The following PRKCA variants were observed in gnomAD, a reference collection of about 807,000 sequenced individuals.
The protein encoded by PRKCA is protein kinase C alpha type.
In PRKCA, 27 loss-of-function variants were observed where a neutral mutation model predicts 87.0. The observed-to-expected ratio is 0.31, with a 90% CI of 0.23 to 0.43. The LOEUF is 0.43. Ranked by LOEUF, PRKCA falls within the 20% of genes least tolerant of loss-of-function variation. PRKCA has a pLI of 1.00. For missense variants in PRKCA, 518 were observed against 852.3 expected (o/e 0.61, Z 4.88); for synonymous variants, 329 against 311.1 (o/e 1.06, Z -0.61).
intron 2 of PRKCA, among the ~76,000 whole-genome samples, chr17:66,382,649 A>C (rs541500595): frequency 1.3e-5 from 2 of 152,304 alleles, no homozygotes; most frequent in Admixed American, 6.5e-5. Flanking sequence ...GACAGAAAAA[A>C]TAGGGAGTAG....
chr17:66,732,899 T>G lies in PRKCA; in HGVS notation c.1056+74T>G, dbSNP rs185970984. ...CGAATCAGTTTTGTTCTCCTCGTAG[T>G]TTGCAGAATAGCACATTAGATTTCC... On this transcript the variant is annotated intron_variant, in intron 9 of 16. Transcript: ENST00000413366. 1,179 of 1,542,634 alleles carry G rather than the reference T, an allele frequency of 7.6e-4. 11 individuals carry two copies. The highest frequency in any genetic ancestry group is 7.3e-3 in the Middle Eastern group (36 of 4,926).
intron 2 of PRKCA, among the ~76,000 whole-genome samples, chr17:66,364,640 G>T (rs936092665): frequency 6.6e-5 from 10 of 152,140 alleles, no homozygotes; most frequent in South Asian, 2.1e-4. Flanking sequence ...AGCAGGGAGG[G>T]TGTGATTGAT....
intron 11 of PRKCA, 68 bp from the exon 12 acceptor site, chr17:66,741,591 T>G: frequency 6.6e-7 from 1 of 1,522,640 alleles, no homozygotes; most frequent in Non-Finnish European, 9.1e-7. Context: ...TGCTTGAATT[T>G]GAGAATGTAA....
At chr17:66,390,540 C>T (rs1019119788) in intron 2 of PRKCA, among the ~76,000 whole-genome samples, 1 of 152,142 alleles carries the variant, frequency 6.6e-6, no homozygotes, top group African/African-American at 2.4e-5. Context: ...GTAGCATCTG[C>T]GGTTATTTTC....
intron 16 of PRKCA, among the ~76,000 whole-genome samples, chr17:66,798,419 G>T (rs1461181769): frequency 2.5e-5 from 2 of 81,580 alleles, no homozygotes; most frequent in Non-Finnish European, 5.0e-5. Flanking sequence ...GGTGATGGTG[G>T]TGGTGGTGGT....
chr17:66,672,936 A>G (rs945553757), intron 5 of PRKCA, among the ~76,000 whole-genome samples: 4 of 152,332 alleles, frequency 2.6e-5, no homozygotes, highest in African/African-American at 9.6e-5. Flanking sequence ...GCAGAAGTAT[A>G]GTTGTTTTAG....
At chr17:66,768,450 A>T (rs183533549) in intron 13 of PRKCA, among the ~76,000 whole-genome samples, 212 of 152,222 alleles carry the variant, frequency 1.4e-3, no homozygotes, top group African/African-American at 4.8e-3. Context: ...TAGGTTTTAC[A>T]CCACTGGAAT....
At chr17:66,324,160 C>T (rs908249969) in intron 2 of PRKCA, among the ~76,000 whole-genome samples, 3 of 152,054 alleles carry the variant, frequency 2.0e-5, no homozygotes, top group Admixed American at 6.6e-5. Flanking sequence ...GTCAATAACA[C>T]TTGGACCTGC....
intron 12 of PRKCA, 63 bp downstream of exon 12, chr17:66,741,784 T>C: frequency 1.3e-6 from 2 of 1,530,516 alleles, no homozygotes; most frequent in Non-Finnish European, 1.8e-6. Context: ...TCTGTGGGCA[T>C]GTCATTCTGG....
At chr17:66,343,028 C>A (rs1021690451) in intron 2 of PRKCA, among the ~76,000 whole-genome samples, 3 of 151,478 alleles carry the variant, frequency 2.0e-5, no homozygotes, top group Non-Finnish European at 4.4e-5. Context: ...TTCTCTATTT[C>A]TTTTTTTAAA....
chr17:66,805,167 C>T lies in PRKCA; in HGVS notation c.*1130C>T, dbSNP rs950718074. 57 of 969,188 alleles carry T rather than the reference C, an allele frequency of 5.9e-5. No homozygotes were observed. Among genetic ancestry groups the T allele is most frequent in the Middle Eastern group, 5.3e-4 (1 of 1,890 alleles). The allele number at this position is 969,188 out of a possible 1,614,324, so 60.0% of individuals were successfully genotyped here. The stretch of plus-strand genomic sequence containing the variant: ...GGTTTTGGTTCCCATTTCTAGTTCA[C>T]GTTGAATGACAGGCCTGGAGCTGTA... On this transcript the variant is annotated 3_prime_UTR_variant, in exon 17 of 17. Coordinates refer to ENST00000413366, the MANE Select transcript of PRKCA (RefSeq NM_002737.3).
At chr17:66,387,004 C>T (rs537331826) in intron 2 of PRKCA, among the ~76,000 whole-genome samples, 1 of 152,192 alleles carries the variant, frequency 6.6e-6, no homozygotes, top group African/African-American at 2.4e-5. Flanking sequence ...TTGAGTTTCT[C>T]TCTTGCAACA....
chr17:66,424,877 G>A (rs1301767056), intron 2 of PRKCA, among the ~76,000 whole-genome samples: 2 of 151,820 alleles, frequency 1.3e-5, no homozygotes. Flanking sequence ...AGCCTCCCGA[G>A]TAGCTGGGAC....
At chr17:66,515,235 G>A (rs1966928697) in intron 3 of PRKCA, among the ~76,000 whole-genome samples, 1 of 139,040 alleles carries the variant, frequency 7.2e-6, no homozygotes, top group Non-Finnish European at 1.5e-5. Flanking sequence ...TTGCGCCGCT[G>A]CACTCCAGCC....
intron 2 of PRKCA, among the ~76,000 whole-genome samples, chr17:66,488,406 C>T (rs953714215): frequency 3.3e-5 from 5 of 152,156 alleles, no homozygotes; most frequent in African/African-American, 1.2e-4. Flanking sequence ...TTCTTTCTTT[C>T]TCCTCTGAGT....
At chr17:66,478,407 A>G (rs1567849505) in intron 2 of PRKCA, among the ~76,000 whole-genome samples, 1 of 152,048 alleles carries the variant, frequency 6.6e-6, no homozygotes, top group African/African-American at 2.4e-5. Flanking sequence ...GCCATGTGCC[A>G]CCACACCTGG....
chr17:66,517,856 G>A (rs1421766267), intron 3 of PRKCA, among the ~76,000 whole-genome samples: 2 of 152,162 alleles, frequency 1.3e-5, no homozygotes, highest in East Asian at 1.9e-4. Context: ...ATCAGTTTAC[G>A]CATGAAAAGT....
At chr17:66,342,177 A>G (rs1167841735) in intron 2 of PRKCA, among the ~76,000 whole-genome samples, 2 of 152,084 alleles carry the variant, frequency 1.3e-5, no homozygotes, top group Admixed American at 6.6e-5. Flanking sequence ...TAATCCCAGC[A>G]CTTTGGGAGG....
intron 3 of PRKCA, among the ~76,000 whole-genome samples, chr17:66,559,773 G>A (rs999873138): frequency 7.9e-5 from 12 of 152,136 alleles, no homozygotes; most frequent in Non-Finnish European, 1.8e-4. Context: ...GCTTAAAAGT[G>A]GAATCTGAAT....
Sources: gnomAD v4.1 joint callset for allele counts (sites outside exome capture counted in the v4.1 genomes callset) on GRCh38, gnomAD v4.1.1 for gene constraint, MANE v1.5 for transcripts, NCBI Gene and HGNC (gene_info 2026-07-23, HGNC 2026-07-21) for gene names.